ZNF804B: variants seen among roughly 807,000 people sequenced by gnomAD.
ZNF804B encodes the protein zinc finger protein 804B.
Under a neutral mutation model 101.4 loss-of-function variants are expected in ZNF804B, and 80 were observed. The observed-to-expected ratio is 0.79, with a 90% confidence interval of 0.66 to 0.95. The LOEUF (loss-of-function observed/expected upper bound fraction) is 0.95. ZNF804B is among the 40% of genes least tolerant of loss of function. The pLI is 0.00. For synonymous variants in ZNF804B, 622 were observed against 558.8 expected, an observed-to-expected ratio of 1.11 and a Z score of -1.59; for missense variants, 1,673 against 1,561.9, an observed-to-expected ratio of 1.07 and a Z score of -1.20.
Position 88,959,878 on chromosome 7 carries a change from C to G in ZNF804B, c.108+199794C>G, listed in dbSNP as rs555137081. 3.3e-5 allele frequency among the ~76,000 whole-genome samples: 5 copies of G among 151,516 alleles called. No individual in the cohort carries two copies. The South Asian group carries it at 1.0e-3, about 31-fold the overall frequency. On this transcript the variant is annotated intron_variant, in intron 1 of 3. Coordinates refer to ENST00000333190, the MANE Select transcript of ZNF804B (RefSeq NM_181646.5). ...AAACCTTTTACAGGTCATGCTCCTT[C>G]TATGGCCCCAGTTTATTGTTATCTT...
chr7:89,103,623 G>T (rs988352839), intron 1 of ZNF804B, among the ~76,000 whole-genome samples: 24 of 151,814 alleles, frequency 1.6e-4, no homozygotes, highest in African/African-American at 5.3e-4. Flanking sequence ...AGGTCTGTGA[G>T]TCTTCTAAAG....
intron 1 of ZNF804B, among the ~76,000 whole-genome samples, chr7:88,956,634 T>A (rs2116080580): frequency 6.6e-6 from 1 of 151,100 alleles, no homozygotes; most frequent in Non-Finnish European, 1.5e-5. Flanking sequence ...GCAGAAAAAA[T>A]TACCCTCAAC....
intron 1 of ZNF804B, among the ~76,000 whole-genome samples, chr7:89,043,965 T>A (rs1384114884): frequency 5.9e-5 from 9 of 152,158 alleles, no homozygotes; most frequent in Admixed American, 5.9e-4. Context: ...ATGGTATATA[T>A]ACACAATAGA....
chr7:88,873,788 G>A (rs1400386685), intron 1 of ZNF804B, among the ~76,000 whole-genome samples: 4 of 152,108 alleles, frequency 2.6e-5, no homozygotes, highest in East Asian at 1.9e-4. Context: ...ATAGATATGC[G>A]GCATTATTTC....
chr7:88,854,403 CT>C (rs71526618), intron 1 of ZNF804B, among the ~76,000 whole-genome samples: 4 of 141,400 alleles, frequency 2.8e-5, no homozygotes, highest in Admixed American at 7.0e-5. Context: ...TTCTTTCTTT[CT>C]TTCTTTCTTC....
chr7:88,936,234 T>G (rs1792968431), intron 1 of ZNF804B, among the ~76,000 whole-genome samples: 1 of 152,084 alleles, frequency 6.6e-6, no homozygotes, highest in South Asian at 2.1e-4. Flanking sequence ...CATTTTAATG[T>G]CAGAATAAAA....
intron 1 of ZNF804B, among the ~76,000 whole-genome samples, chr7:88,928,617 C>T (rs1792840460): frequency 6.6e-6 from 1 of 152,094 alleles, no homozygotes; most frequent in Admixed American, 6.6e-5. Flanking sequence ...GCAAAAGTGA[C>T]AGAAATGCCT....
At chr7:89,105,646 A>G (rs967586177) in intron 1 of ZNF804B, among the ~76,000 whole-genome samples, 4 of 152,130 alleles carry the variant, frequency 2.6e-5, no homozygotes, top group Non-Finnish European at 5.9e-5. Flanking sequence ...AGACTTATGT[A>G]ACCAAAGGTA....
intron 2 of ZNF804B, among the ~76,000 whole-genome samples, chr7:89,279,680 C>T (rs562314919): frequency 2.0e-5 from 3 of 152,224 alleles, no homozygotes; most frequent in African/African-American, 7.2e-5. Context: ...GTTGAACCAG[C>T]CTTGCATCCC....
intron 1 of ZNF804B, among the ~76,000 whole-genome samples, chr7:88,874,151 A>C (rs1791885288): frequency 6.6e-6 from 1 of 152,172 alleles, no homozygotes; most frequent in South Asian, 2.1e-4. Context: ...TTCCTTGAGC[A>C]GTGGTTTGTA....
chr7:88,914,800 TA>T (rs1792608513), intron 1 of ZNF804B, among the ~76,000 whole-genome samples: 1 of 152,188 alleles, frequency 6.6e-6, no homozygotes, highest in East Asian at 1.9e-4. Flanking sequence ...GGATATTTAT[TA>T]TTTTGGTTTA....
chr7:89,275,578 A>C (rs887717247), intron 2 of ZNF804B, among the ~76,000 whole-genome samples: 3 of 151,822 alleles, frequency 2.0e-5, no homozygotes, highest in Non-Finnish European at 4.4e-5. Flanking sequence ...CATTCTGGCC[A>C]CAGATATCTA....
At chr7:89,258,585 A>G (rs1789668882) in intron 2 of ZNF804B, among the ~76,000 whole-genome samples, 1 of 152,128 alleles carries the variant, frequency 6.6e-6, no homozygotes, top group South Asian at 2.1e-4. Context: ...ACCCTTGAAC[A>G]AATGGGGGTT....
chr7:88,988,376 T>A (rs1265717862), intron 1 of ZNF804B, among the ~76,000 whole-genome samples: 1 of 152,136 alleles, frequency 6.6e-6, no homozygotes, highest in African/African-American at 2.4e-5. Flanking sequence ...GACTTGTTTG[T>A]CAGCAAGAGA....
chr7:88,792,883 G>T (rs1438106905), intron 1 of ZNF804B, among the ~76,000 whole-genome samples: 1 of 151,830 alleles, frequency 6.6e-6, no homozygotes, highest in African/African-American at 2.4e-5. Context: ...CCTAAAATTT[G>T]ATTCTGTTAT....
chr7:88,969,721 A>G (rs1793504705), intron 1 of ZNF804B, among the ~76,000 whole-genome samples: 1 of 151,634 alleles, frequency 6.6e-6, no homozygotes. Flanking sequence ...TTTATTAGCT[A>G]AAATTATTTG....
chr7:88,988,656 A>C (rs79653612), intron 1 of ZNF804B, among the ~76,000 whole-genome samples: 1 of 152,224 alleles, frequency 6.6e-6, no homozygotes, highest in Non-Finnish European at 1.5e-5. Flanking sequence ...AACAACAACA[A>C]AAGAATGTGA....
intron 1 of ZNF804B, among the ~76,000 whole-genome samples, chr7:89,161,368 A>G (rs1791059893): frequency 6.6e-6 from 1 of 152,046 alleles, no homozygotes; most frequent in Non-Finnish European, 1.5e-5. Flanking sequence ...CATGATCTCA[A>G]TAGTCTACAG....
At chr7:89,016,322 GCA>G (rs1788556536) in intron 1 of ZNF804B, among the ~76,000 whole-genome samples, 1 of 151,910 alleles carries the variant, frequency 6.6e-6, no homozygotes, top group African/African-American at 2.4e-5. Flanking sequence ...CTTTTGCTGT[GCA>G]GAAGCTCTTT....
Sources: gnomAD v4.1 joint callset for allele counts (sites outside exome capture counted in the v4.1 genomes callset) on GRCh38, gnomAD v4.1.1 for gene constraint, MANE v1.5 for transcripts, NCBI Gene and HGNC (gene_info 2026-07-23, HGNC 2026-07-21) for gene names.